PTPRN2: variants seen among roughly 807,000 people sequenced by gnomAD.
The protein encoded by PTPRN2 is protein tyrosine phosphatase receptor type N2.
In PTPRN2, 74 loss-of-function variants were observed where a neutral mutation model predicts 118.8. The observed-to-expected ratio is 0.62, with a 90% CI of 0.52 to 0.76. The LOEUF (loss-of-function observed/expected upper bound fraction) is 0.76. PTPRN2 is among the 30% of genes least tolerant of loss of function. The pLI, the probability that PTPRN2 is intolerant of heterozygous loss-of-function variation, is 0.00. For missense variants in PTPRN2, 1,481 were observed against 1,394.4 expected (o/e 1.06, Z -0.99); for synonymous variants, 641 against 608.0 (o/e 1.05, Z -0.80).
At chr7:157,925,698 C>A (rs1411220639) in intron 11 of PTPRN2, among the ~76,000 whole-genome samples, 1 of 152,094 alleles carries the variant, frequency 6.6e-6, no homozygotes, top group African/African-American at 2.4e-5. Context: ...GACCCTGATG[C>A]AGAAGGTCCA....
intron 6 of PTPRN2, among the ~76,000 whole-genome samples, chr7:158,155,556 T>C (rs1415913554): frequency 4.6e-4 from 38 of 83,244 alleles, no homozygotes; most frequent in South Asian, 1.3e-3. Context: ...ATCAACACCA[T>C]CATCATCATT....
At chr7:158,243,654 C>G (rs1796019338) in intron 3 of PTPRN2, among the ~76,000 whole-genome samples, 1 of 152,188 alleles carries the variant, frequency 6.6e-6, no homozygotes, top group African/African-American at 2.4e-5. Context: ...TCCATCCACA[C>G]AGAGAGCAGG....
chr7:157,932,872 G>A (rs1226670031), intron 11 of PTPRN2, among the ~76,000 whole-genome samples: 1 of 151,226 alleles, frequency 6.6e-6, no homozygotes, highest in Non-Finnish European at 1.5e-5. Context: ...GACAGTTTTA[G>A]AGGAGGGGTG....
intron 4 of PTPRN2, among the ~76,000 whole-genome samples, chr7:158,204,148 G>C (rs1826920169): frequency 6.6e-6 from 1 of 151,882 alleles, no homozygotes; most frequent in African/African-American, 2.4e-5. Flanking sequence ...CCCGCCCTCA[G>C]TGTGTGCGGC....
chr7:157,828,361 C>T (rs1807324960), intron 12 of PTPRN2, among the ~76,000 whole-genome samples: 1 of 152,194 alleles, frequency 6.6e-6, no homozygotes, highest in Non-Finnish European at 1.5e-5. Flanking sequence ...GACTACAGAG[C>T]CCATGGACGG....
intron 2 of PTPRN2, among the ~76,000 whole-genome samples, chr7:158,464,768 T>C (rs112106527): frequency 2.7e-4 from 41 of 150,264 alleles, no homozygotes; most frequent in African/African-American, 9.6e-4. Context: ...TCCTTCATCA[T>C]CACCATCATC....
chr7:157,901,950 AGGCG>A (rs1563222802), intron 11 of PTPRN2, among the ~76,000 whole-genome samples: 3 of 150,246 alleles, frequency 2.0e-5, no homozygotes, highest in Non-Finnish European at 4.4e-5. Context: ...CTGGGTCCTG[AGGCG>A]GGGCCTTCCC....
intron 11 of PTPRN2, among the ~76,000 whole-genome samples, chr7:157,926,841 T>G (rs1585028777): frequency 6.6e-6 from 1 of 152,152 alleles, no homozygotes; most frequent in African/African-American, 2.4e-5. Context: ...CGCCTCCCCC[T>G]GCATCTGGAC....
In PTPRN2 at chr7:157,609,583, C is replaced by T. The variant is rs978263495; in HGVS notation, c.2345-5508G>A. Reference sequence around the variant, plus strand: ...ATGGAACGATTCACGTGGCCACGGCCTCGTGGTCCACAGGGGAGCACAGGG... The same window carrying T: ...ATGGAACGATTCACGTGGCCACGGCTTCGTGGTCCACAGGGGAGCACAGGG... On this transcript the variant is annotated intron_variant, in intron 15 of 22. Coordinates refer to ENST00000389418, the MANE Select transcript of PTPRN2 (RefSeq NM_002847.5). The surrounding 1 kb of genome is among the most constrained non-coding windows in gnomAD (Gnocchi z 4.9). 6.6e-6 allele frequency among the ~76,000 whole-genome samples: 1 copy of T among 152,162 alleles called. No homozygotes were observed. Among genetic ancestry groups the T allele is most frequent in the Non-Finnish European group, 1.5e-5 (1 of 68,046 alleles).
At chr7:158,342,934 G>T (rs1172390071) in intron 2 of PTPRN2, among the ~76,000 whole-genome samples, 1 of 152,086 alleles carries the variant, frequency 6.6e-6, no homozygotes, top group Non-Finnish European at 1.5e-5. Context: ...ACGGCAGGGT[G>T]GACAAGTGCT....
intron 3 of PTPRN2, among the ~76,000 whole-genome samples, chr7:158,222,595 C>T (rs1434988372): frequency 1.3e-5 from 2 of 152,064 alleles, no homozygotes; most frequent in Non-Finnish European, 2.9e-5. Context: ...GGGAGGAAGA[C>T]GTGGGTTGAA....
chr7:158,067,310 G>A (rs79195347), intron 11 of PTPRN2, among the ~76,000 whole-genome samples: 5,592 of 152,256 alleles, frequency 0.037, 349 homozygotes, highest in African/African-American at 0.13. Flanking sequence ...CCGCTGCTCC[G>A]GCCAGCAGGC....
At chr7:158,375,163 A>G (rs1419971010) in intron 2 of PTPRN2, among the ~76,000 whole-genome samples, 1 of 152,322 alleles carries the variant, frequency 6.6e-6, no homozygotes, top group Non-Finnish European at 1.5e-5. Context: ...CAGAGCATGA[A>G]GTCAGAAAGG....
chr7:158,375,024 G>A (rs746508962), intron 2 of PTPRN2, among the ~76,000 whole-genome samples: 3 of 152,194 alleles, frequency 2.0e-5, no homozygotes, highest in Non-Finnish European at 4.4e-5. Context: ...GGCCTGAGGC[G>A]CAGAGGAAAA....
At chr7:157,805,591 G>A (rs180760647) in intron 12 of PTPRN2, among the ~76,000 whole-genome samples, 2 of 152,322 alleles carry the variant, frequency 1.3e-5, no homozygotes, top group Admixed American at 6.5e-5. Context: ...AGTCATTAAC[G>A]TTGTGTCGTT....
At chr7:158,211,016 A>C (rs1374264274) in intron 3 of PTPRN2, among the ~76,000 whole-genome samples, 1 of 152,208 alleles carries the variant, frequency 6.6e-6, no homozygotes, top group East Asian at 1.9e-4. Context: ...ACTTCACGCC[A>C]ATATCCCTGA....
intron 2 of PTPRN2, among the ~76,000 whole-genome samples, chr7:158,439,934 G>A (rs1816861453): frequency 6.6e-6 from 1 of 152,222 alleles, no homozygotes. Flanking sequence ...GAGAAACCCA[G>A]GGAGGCATTG....
At chr7:157,582,305 C>CA (rs1427007070) in intron 17 of PTPRN2, among the ~76,000 whole-genome samples, 1 of 152,032 alleles carries the variant, frequency 6.6e-6, no homozygotes, top group Non-Finnish European at 1.5e-5. Flanking sequence ...AGCAAACAAA[C>CA]AAAAAAACAA....
intron 3 of PTPRN2, among the ~76,000 whole-genome samples, chr7:158,208,145 T>C (rs894233276): frequency 1.3e-5 from 2 of 152,208 alleles, no homozygotes; most frequent in East Asian, 1.9e-4. Context: ...CACACCTGCA[T>C]GATCTAGAAA....
Sources: allele counts gnomAD v4.1 joint callset (sites outside exome capture counted in the v4.1 genomes callset), GRCh38; gene constraint gnomAD v4.1.1; non-coding constraint Gnocchi (gnomAD v3.1); transcripts MANE v1.5; gene names NCBI Gene and HGNC (gene_info 2026-07-23, HGNC 2026-07-21).